LRRTM3: variants seen among roughly 807,000 people sequenced by gnomAD.
LRRTM3 encodes the protein leucine rich repeat transmembrane neuronal 3.
LRRTM3 carries 24 observed loss-of-function variants against 44.7 expected under a neutral mutation model. The observed-to-expected ratio is 0.54, with a 90% confidence interval of 0.39 to 0.76. The LOEUF is 0.76. Ranked by LOEUF, LRRTM3 falls within the 30% of genes least tolerant of loss-of-function variation. The pLI, the probability that LRRTM3 is intolerant of heterozygous loss-of-function variation, is 0.00. For synonymous variants in LRRTM3, 277 were observed against 278.7 expected, an observed-to-expected ratio of 0.99 and a Z score of 0.06; for missense variants, 587 against 702.2, an observed-to-expected ratio of 0.84 and a Z score of 1.85.
rs1219251035 is a variant in LRRTM3 at position 67,097,800 on chromosome 10, A to G, written c.*4A>G. ...CCATAAACAGCAGCTAGCTTAACTG[A>G]GATCATTGGTAGCCAGGGGTTGCTA... On this transcript the variant is annotated 3_prime_UTR_variant, in exon 3 of 3. Coordinates refer to ENST00000361320, the MANE Select transcript of LRRTM3 (RefSeq NM_178011.5). 2.5e-6 allele frequency: 4 copies of G among 1,611,824 alleles called. No homozygotes were observed. Among genetic ancestry groups the G allele is most frequent in the Non-Finnish European group, 3.4e-6 (4 of 1,178,588 alleles).
rs372494576 is a variant in LRRTM3, at chr10:67,091,829, T to C, written c.1537-5758T>C. ...CTGACTTAATCTAATAAGTATTCCCTAGAACAAAATAGGGACCAAGGAAGA... is the reference window on the plus strand; with the variant it reads ...CTGACTTAATCTAATAAGTATTCCCCAGAACAAAATAGGGACCAAGGAAGA... On this transcript the variant is annotated intron_variant, in intron 2 of 2. Coordinates refer to ENST00000361320, the MANE Select transcript of LRRTM3 (RefSeq NM_178011.5). 2.2e-3 allele frequency among the ~76,000 whole-genome samples: 339 copies of C among 152,110 alleles called. 1 individual carries two copies. The highest frequency in any genetic ancestry group is 7.9e-3 in the African/African-American group (326 of 41,518).
At chr10:67,094,588 G>A (rs1430828289) in intron 2 of LRRTM3, among the ~76,000 whole-genome samples, 1 of 151,568 alleles carries the variant, frequency 6.6e-6, no homozygotes, top group Non-Finnish European at 1.5e-5. Context: ...ATATCACACA[G>A]TTTCAATAAT....
chr10:67,093,209 C>T (rs565675033), intron 2 of LRRTM3, among the ~76,000 whole-genome samples: 1 of 151,800 alleles, frequency 6.6e-6, no homozygotes, highest in East Asian at 1.9e-4. Flanking sequence ...GAAGCAAATG[C>T]CTTATTAGAT....
At position 67,097,643 on chromosome 10, in the gene LRRTM3, T is replaced by C. The variant is rs1209246813; in HGVS notation, c.1593T>C (p.Ser531=). The C allele has an allele frequency of 3.7e-6, 6 of 1,612,596 alleles. No individual in the cohort carries two copies. In the Middle Eastern group the frequency reaches 5.0e-4, roughly 133 times the overall value. ...TFLAYDQPTI[S]YCGVHHELLS... is the part of the protein sequence containing the mutation. ...TGGCATACGACCAGCCCACAATAAG[T>C]TACTGTGGGGTGCATCATGAACTTC... The change falls in exon 3 of 3, where the codon AGT becomes AGC. Residue 531 remains serine (S), a synonymous_variant. Transcript: ENST00000361320.
intron 2 of LRRTM3, among the ~76,000 whole-genome samples, chr10:67,022,656 G>A (rs1367817017): frequency 2.0e-5 from 3 of 152,072 alleles, no homozygotes; most frequent in African/African-American, 4.8e-5. Flanking sequence ...ATACACTGAA[G>A]GCCGGGCACG....
chr10:67,097,043 C>T (rs1253119877), intron 2 of LRRTM3, among the ~76,000 whole-genome samples: 1 of 151,650 alleles, frequency 6.6e-6, no homozygotes, highest in East Asian at 1.9e-4. Context: ...ATTAATAGTC[C>T]AGCATCATAT....
At chr10:66,983,008 A>C (rs911175957) in intron 2 of LRRTM3, among the ~76,000 whole-genome samples, 1 of 152,188 alleles carries the variant, frequency 6.6e-6, no homozygotes, top group Non-Finnish European at 1.5e-5. Context: ...GAAATGCACT[A>C]ATGAGCAGAA....
chr10:67,021,226 G>T (rs941808481), intron 2 of LRRTM3, among the ~76,000 whole-genome samples: 19 of 152,024 alleles, frequency 1.2e-4, no homozygotes, highest in Admixed American at 3.3e-4. Context: ...GGAAAAAAAA[G>T]CTCAACTTTG....
chr10:66,931,793 G>A (rs1564775622), intron 2 of LRRTM3, among the ~76,000 whole-genome samples: 1 of 152,134 alleles, frequency 6.6e-6, no homozygotes, highest in African/African-American at 2.4e-5. Context: ...CTAGAAATAA[G>A]TGTCCAAGAT....
At chr10:66,959,114 TCTG>T (rs1186932272) in intron 2 of LRRTM3, among the ~76,000 whole-genome samples, 1 of 152,174 alleles carries the variant, frequency 6.6e-6, no homozygotes, top group Admixed American at 6.5e-5. Context: ...CTATCTTCAG[TCTG>T]CTGCTATTTT....
intron 2 of LRRTM3, among the ~76,000 whole-genome samples, chr10:66,971,104 T>C (rs977997552): frequency 1.4e-4 from 22 of 152,094 alleles, no homozygotes; most frequent in African/African-American, 4.8e-4. Flanking sequence ...GGACTTTAAT[T>C]ACACTGGGCA....
intron 2 of LRRTM3, among the ~76,000 whole-genome samples, chr10:67,025,628 A>G (rs1308882654): frequency 6.6e-6 from 1 of 152,178 alleles, no homozygotes; most frequent in African/African-American, 2.4e-5. Context: ...ATATTTTTAA[A>G]ATCTATATAG....
intron 2 of LRRTM3, among the ~76,000 whole-genome samples, chr10:66,961,145 A>T (rs2132770847): frequency 6.6e-6 from 1 of 152,358 alleles, no homozygotes; most frequent in South Asian, 2.1e-4. Flanking sequence ...CATTTCAAAA[A>T]AAGTTACGAA....
intron 2 of LRRTM3, among the ~76,000 whole-genome samples, chr10:67,095,517 AC>A (rs1316024492): frequency 1.3e-5 from 2 of 151,800 alleles, no homozygotes; most frequent in Non-Finnish European, 2.9e-5. Context: ...CACTCTGCAT[AC>A]CAGTCAGTAG....
intron 2 of LRRTM3, among the ~76,000 whole-genome samples, chr10:66,986,758 T>C (rs953322787): frequency 6.6e-6 from 1 of 152,170 alleles, no homozygotes; most frequent in Non-Finnish European, 1.5e-5. Flanking sequence ...TCATACTACC[T>C]ATCTGCAGTT....
At chr10:66,983,337 C>G (rs990060995) in intron 2 of LRRTM3, among the ~76,000 whole-genome samples, 7 of 152,134 alleles carry the variant, frequency 4.6e-5, no homozygotes, top group Non-Finnish European at 1.5e-5. Context: ...GCCAACAAAT[C>G]TCTCCCTGGT....
intron 2 of LRRTM3, among the ~76,000 whole-genome samples, chr10:67,012,116 G>A (rs1852376104): frequency 1.3e-5 from 2 of 152,182 alleles, no homozygotes; most frequent in Admixed American, 1.3e-4. Flanking sequence ...TCTGGCTCTG[G>A]AGTCTACATT....
intron 2 of LRRTM3, among the ~76,000 whole-genome samples, chr10:67,029,468 A>C (rs1336153696): frequency 1.3e-5 from 2 of 152,158 alleles, no homozygotes; most frequent in African/African-American, 4.8e-5. Context: ...TGTCTTAGGA[A>C]AAGCATGATA....
At chr10:67,093,127 T>C (rs1857755156) in intron 2 of LRRTM3, among the ~76,000 whole-genome samples, 1 of 151,714 alleles carries the variant, frequency 6.6e-6, no homozygotes, top group South Asian at 2.1e-4. Context: ...GAGAGAAACT[T>C]AATTCTCAGA....
Sources: gnomAD v4.1 joint callset for allele counts (sites outside exome capture counted in the v4.1 genomes callset) on GRCh38, gnomAD v4.1.1 for gene constraint, MANE v1.5 for transcripts, NCBI Gene and HGNC (gene_info 2026-07-23, HGNC 2026-07-21) for gene names.